CELF2: variants seen among roughly 807,000 people sequenced by gnomAD.
CELF2 encodes the protein CUGBP Elav-like family member 2.
In CELF2, 8 loss-of-function variants were observed where a neutral mutation model predicts 62.6. That is an observed-to-expected ratio of 0.13 (90% CI 0.07 to 0.23). The LOEUF (loss-of-function observed/expected upper bound fraction) is 0.23, where lower values mean the gene tolerates loss of function less well. CELF2 is among the 10% of genes least tolerant of loss of function. The probability of loss-of-function intolerance (pLI) is 1.00; values close to 1 mark genes in which losing one functional copy is unlikely to be tolerated. For synonymous variants in CELF2, 258 were observed against 250.0 expected (o/e 1.03, Z -0.30); for missense variants, 333 against 671.0 (o/e 0.50, Z 5.56).
chr10:10,813,906 C>T (rs1334446199), intron 1 of CELF2, among the ~76,000 whole-genome samples: 1 of 152,112 alleles, frequency 6.6e-6, no homozygotes, highest in Non-Finnish European at 1.5e-5. Flanking sequence ...AATCTGCTTC[C>T]CCCAGTACTG....
rs2136110910 is a variant in CELF2 at position 11,223,262 on chromosome 10, G to A, written c.354+5755G>A. On this transcript the variant is annotated intron_variant, in intron 3 of 12. Coordinates refer to ENST00000633077, the MANE Select transcript of CELF2 (RefSeq NM_001326342.2). This position sits in a 1 kb window ranked among gnomAD's most constrained non-coding sequence, Gnocchi z 5.1. ...GGGCACTGCCTGAGGAGCTTCCTGA[G>A]CCATGAGGAAACATGCCTCAAAAGG... Among the ~76,000 whole-genome samples the A allele has an allele frequency of 6.6e-6, 1 of 152,342 alleles. No homozygotes were observed. Among genetic ancestry groups the A allele is most frequent in the Middle Eastern group, 3.4e-3 (1 of 294 alleles).
In CELF2 at chr10:10,825,613, CTGTCATT is replaced by C. The variant is rs1466380430; in HGVS notation, c.53+26798_53+26804del. Among the ~76,000 whole-genome samples the C allele has an allele frequency of 2.6e-5, 4 of 152,244 alleles. No individual in the cohort carries two copies. In the East Asian group the frequency reaches 7.7e-4, roughly 29 times the overall value. ...TATTTGCACATGTGCTTAAATGTGC[CTGTCATT>C]TTTGCTTTGTAGGGGTCAGTCTTTA... On this transcript the variant is annotated intron_variant, in intron 1 of 13. Coordinates refer to the CELF2 transcript ENST00000636488.
chr10:11,217,505 G>C lies in CELF2; in HGVS notation c.352G>C (p.Gly118Arg). 1 of 1,600,646 alleles carries C rather than the reference G, an allele frequency of 6.2e-7. No homozygotes were observed. The highest frequency in any genetic ancestry group is 8.5e-7 in the Non-Finnish European group (1 of 1,169,910). The change falls in exon 3 of 13, where the codon GGG (glycine) becomes CGG (arginine). Residue 118 changes from glycine (G) to arginine (R), a missense_variant and splice_region_variant. By Grantham distance (125) the Gly-to-Arg change is moderately radical. Transcript: ENST00000633077. The surrounding 1 kb of genome is among the most constrained non-coding windows in gnomAD (Gnocchi z 5.6). ...NALHNIKTLPGMHHPIQMKPA... is the reference protein window; with the variant it reads ...NALHNIKTLPRMHHPIQMKPA... ...ACTGCACAATATTAAAACTTTACCTGGGGTGAGTCGGTTTACTTTTGTACC... is the reference window on the plus strand; with the variant it reads ...ACTGCACAATATTAAAACTTTACCTCGGGTGAGTCGGTTTACTTTTGTACC...
the CELF2 span, among the ~76,000 whole-genome samples, chr10:10,793,131 C>A: frequency 1.3e-5 from 2 of 152,272 alleles, no homozygotes; most frequent in African/African-American, 4.8e-5. Flanking sequence ...AGAGGCCCTT[C>A]AGAATTTTTT....
intron 5 of CELF2, 124 bp from the exon 6 acceptor site, chr10:11,266,474 G>T (rs921992199): frequency 3.4e-6 from 2 of 592,504 alleles, no homozygotes; most frequent in African/African-American, 1.9e-5. Flanking sequence ...TTATTTTTAT[G>T]TACTACTGAG....
intron 1 of CELF2, among the ~76,000 whole-genome samples, chr10:10,884,708 C>A (rs1310209992): frequency 6.6e-6 from 1 of 152,234 alleles, no homozygotes; most frequent in African/African-American, 2.4e-5. Flanking sequence ...ATGACCACAA[C>A]TCCTTACTCA....
At chr10:10,626,894 C>T in the CELF2 span, among the ~76,000 whole-genome samples, 1 of 152,170 alleles carries the variant, frequency 6.6e-6, no homozygotes, top group Non-Finnish European at 1.5e-5. Context: ...TTACAGGGCT[C>T]AGAGGATTTT....
At chr10:11,291,164 C>T (rs1352797271) in intron 9 of CELF2, among the ~76,000 whole-genome samples, 1 of 148,574 alleles carries the variant, frequency 6.7e-6, no homozygotes, top group Non-Finnish European at 1.5e-5. Context: ...CTCATCCCAT[C>T]TCTCCTCCAC....
chr10:10,644,005 A>G, the CELF2 span, among the ~76,000 whole-genome samples: 1 of 152,184 alleles, frequency 6.6e-6, no homozygotes, highest in African/African-American at 2.4e-5. Context: ...TAAAAATGCA[A>G]GATTAAGGAC....
At chr10:10,946,414 T>C (rs1156784050) in intron 2 of CELF2, 1 of 152,640 alleles carries the variant, frequency 6.6e-6, no homozygotes, top group Non-Finnish European at 1.5e-5. Flanking sequence ...TTTATTTAAG[T>C]AGCCTTTGGG....
intron 2 of CELF2, among the ~76,000 whole-genome samples, chr10:11,175,066 C>CG (rs2070529869): frequency 6.6e-6 from 1 of 151,804 alleles, no homozygotes; most frequent in African/African-American, 2.4e-5. Flanking sequence ...AAGTCTGCCC[C>CG]CCCGCCCCAA....
At chr10:11,291,327 C>T (rs1438635245) in intron 9 of CELF2, among the ~76,000 whole-genome samples, 3 of 151,890 alleles carry the variant, frequency 2.0e-5, no homozygotes, top group African/African-American at 4.8e-5. Flanking sequence ...GAAAAGTCTC[C>T]CTACAGCATT....
the CELF2 span, among the ~76,000 whole-genome samples, chr10:10,631,830 T>A: frequency 6.6e-6 from 1 of 152,184 alleles, no homozygotes; most frequent in African/African-American, 2.4e-5. Flanking sequence ...TGAGCAGAGA[T>A]ACCAGTTAAT....
rs536385283 is a variant in CELF2 at position 11,243,707 on chromosome 10, C to T, written c.355-5446C>T. Reference sequence around the variant, plus strand: ...GTGTTTGTAAAATTCTTAGACTCGTCGAACAGCATAGACAGATCATGACAG... The same window carrying T: ...GTGTTTGTAAAATTCTTAGACTCGTTGAACAGCATAGACAGATCATGACAG... On this transcript the variant is annotated intron_variant, in intron 3 of 12. Coordinates refer to ENST00000633077, the MANE Select transcript of CELF2 (RefSeq NM_001326342.2). The surrounding 1 kb of genome is among the most constrained non-coding windows in gnomAD (Gnocchi z 4.1). Among the ~76,000 whole-genome samples, 1 of 152,284 alleles carries T rather than the reference C, an allele frequency of 6.6e-6. No homozygotes were observed. The highest frequency in any genetic ancestry group is 2.4e-5 in the African/African-American group (1 of 41,566).
At chr10:10,659,042 A>G in the CELF2 span, among the ~76,000 whole-genome samples, 3 of 152,266 alleles carry the variant, frequency 2.0e-5, no homozygotes, top group Admixed American at 1.3e-4. Flanking sequence ...ATGCTTCACA[A>G]TTGTTTGACC....
intron 9 of CELF2, among the ~76,000 whole-genome samples, chr10:11,312,912 C>T (rs982300476): frequency 5.3e-5 from 8 of 151,924 alleles, no homozygotes; most frequent in East Asian, 1.9e-4. Flanking sequence ...CCAGTCTGGG[C>T]GACAGAGCGA....
At chr10:10,744,033 T>A in the CELF2 span, among the ~76,000 whole-genome samples, 1 of 152,188 alleles carries the variant, frequency 6.6e-6, no homozygotes, top group African/African-American at 2.4e-5. Context: ...AATATTGAAT[T>A]GTTTTTGAGC....
the CELF2 span, among the ~76,000 whole-genome samples, chr10:10,616,947 T>G: frequency 0.047 from 7,208 of 151,848 alleles, 544 homozygotes; most frequent in African/African-American, 0.16. Flanking sequence ...TGTAGAGACA[T>G]AGTCTCGCTA....
chr10:10,500,419 A>G, the CELF2 span, among the ~76,000 whole-genome samples: 159 of 152,208 alleles, frequency 1.0e-3, 3 homozygotes, highest in African/African-American at 3.6e-3. Flanking sequence ...ACCTGGTGGG[A>G]GGTAATTGAA....
Sources: allele counts gnomAD v4.1 joint callset (sites outside exome capture counted in the v4.1 genomes callset), GRCh38; gene constraint gnomAD v4.1.1; non-coding constraint Gnocchi (gnomAD v3.1); transcripts MANE v1.5; gene names NCBI Gene and HGNC (gene_info 2026-07-23, HGNC 2026-07-21).